Variants in PATJ observed in about 807,000 individuals in gnomAD.
The protein encoded by PATJ is inaD-like protein.
In PATJ, 190 loss-of-function variants were observed where a neutral mutation model predicts 224.9. The observed-to-expected ratio is 0.84, with a 90% confidence interval of 0.75 to 0.95. The LOEUF is 0.95. Ranked by LOEUF, PATJ falls within the 40% of genes least tolerant of loss-of-function variation. The probability of loss-of-function intolerance (pLI) is 0.00; values close to 1 mark genes in which losing one functional copy is unlikely to be tolerated. For synonymous variants in PATJ, 769 were observed against 820.3 expected (o/e 0.94, Z 1.07); for missense variants, 2,121 against 2,270.3 (o/e 0.93, Z 1.34).
rs1023407011 is a variant in PATJ, at chr1:61,789,499, T to C, written c.1068+1527T>C. ...AACAGTATGAGTGGAAGTTTTCTATTTGAAATATCAGAACCTTTAAAAAGT... is the reference window on the plus strand; with the variant it reads ...AACAGTATGAGTGGAAGTTTTCTATCTGAAATATCAGAACCTTTAAAAAGT... On this transcript the variant is annotated intron_variant, in intron 8 of 43. Transcript: ENST00000642238. Among the ~76,000 whole-genome samples, 12 of 151,966 alleles carry C rather than the reference T, an allele frequency of 7.9e-5. No homozygotes were observed. The East Asian group carries it at 2.1e-3, about 27-fold the overall frequency.
At chr1:62,090,779 G>C (rs1460557425) in intron 33 of PATJ, among the ~76,000 whole-genome samples, 2 of 152,044 alleles carry the variant, frequency 1.3e-5, no homozygotes, top group Non-Finnish European at 2.9e-5. Flanking sequence ...AAAGACCAAG[G>C]CCTCTTACCT....
chr1:61,847,505 T>A (rs1662155027), intron 17 of PATJ, among the ~76,000 whole-genome samples: 1 of 152,228 alleles, frequency 6.6e-6, no homozygotes, highest in Non-Finnish European at 1.5e-5. Context: ...ACCGTATCAG[T>A]TTAATCTATC....
intron 20 of PATJ, among the ~76,000 whole-genome samples, chr1:61,869,832 G>A (rs1416571590): frequency 1.3e-5 from 2 of 152,242 alleles, no homozygotes; most frequent in Non-Finnish European, 2.9e-5. Context: ...CCCCTCATGG[G>A]AGGGGAGCAC....
intron 31 of PATJ, among the ~76,000 whole-genome samples, chr1:62,068,298 C>A (rs1294763858): frequency 6.6e-6 from 1 of 152,156 alleles, no homozygotes; most frequent in East Asian, 1.9e-4. Flanking sequence ...GAAATTTACT[C>A]AAGGGCTAGA....
At chr1:61,970,117 A>G (rs1469422456) in intron 27 of PATJ, among the ~76,000 whole-genome samples, 4 of 150,562 alleles carry the variant, frequency 2.7e-5, no homozygotes, top group Non-Finnish European at 5.9e-5. Context: ...TCTTGGTATC[A>G]TATCCAAGAA....
In PATJ at chr1:62,139,037, C is replaced by T. The variant is rs112823633; in HGVS notation, c.5272-9247C>T. ...AACCTTTGCTCCCACTGGGTTTCCTCTGCCCCCATCTCTATTCTCAGAACC... is the reference window on the plus strand; with the variant it reads ...AACCTTTGCTCCCACTGGGTTTCCTTTGCCCCCATCTCTATTCTCAGAACC... On this transcript the variant is annotated intron_variant, in intron 41 of 43. Coordinates refer to ENST00000642238, the MANE Select transcript of PATJ (RefSeq NM_001350145.3). 9.4e-4 allele frequency among the ~76,000 whole-genome samples: 143 copies of T among 152,162 alleles called. 1 individual carries two copies. The highest frequency in any genetic ancestry group is 3.4e-3 in the African/African-American group (140 of 41,522).
intron 32 of PATJ, among the ~76,000 whole-genome samples, chr1:62,079,920 C>G (rs142521914): frequency 6.6e-6 from 1 of 151,244 alleles, no homozygotes; most frequent in Admixed American, 6.6e-5. Context: ...CCCAGCTACT[C>G]GGGAGGCTGA....
intron 20 of PATJ, among the ~76,000 whole-genome samples, chr1:61,873,438 G>A (rs184778280): frequency 1.4e-4 from 21 of 152,086 alleles, no homozygotes; most frequent in African/African-American, 4.6e-4. Context: ...CAAAGTGCTG[G>A]GATTATAGGC....
At chr1:61,747,790 C>T (rs1396044304) in intron 1 of PATJ, among the ~76,000 whole-genome samples, 1 of 152,216 alleles carries the variant, frequency 6.6e-6, no homozygotes, top group Non-Finnish European at 1.5e-5. Context: ...CTACAGTAAG[C>T]CACTCTCACA....
intron 14 of PATJ, among the ~76,000 whole-genome samples, chr1:61,809,424 G>C (rs1654244889): frequency 7.3e-6 from 1 of 137,428 alleles, no homozygotes; most frequent in South Asian, 2.3e-4. Flanking sequence ...TTTCGCCCTT[G>C]TTGCCCAGGC....
intron 33 of PATJ, among the ~76,000 whole-genome samples, chr1:62,101,083 A>T (rs1018774689): frequency 6.6e-6 from 1 of 152,080 alleles, no homozygotes; most frequent in African/African-American, 2.4e-5. Flanking sequence ...TACACAAAAA[A>T]CTTAATACTG....
intron 27 of PATJ, among the ~76,000 whole-genome samples, chr1:61,930,926 C>CAGGTTGG (rs1675938139): frequency 6.6e-6 from 1 of 152,162 alleles, no homozygotes; most frequent in African/African-American, 2.4e-5. Flanking sequence ...TGGTCTGAAA[C>CAGGTTGG]TCCCGACCTC....
intron 14 of PATJ, among the ~76,000 whole-genome samples, chr1:61,813,394 C>T (rs1164597064): frequency 7.2e-6 from 1 of 138,894 alleles, no homozygotes; most frequent in South Asian, 2.3e-4. Flanking sequence ...CACACACACA[C>T]ACACATACAC....
intron 29 of PATJ, among the ~76,000 whole-genome samples, chr1:62,021,246 G>A (rs192618797): frequency 1.1e-3 from 170 of 152,280 alleles, no homozygotes; most frequent in African/African-American, 4.0e-3. Flanking sequence ...GTATCCTCAC[G>A]TAACAGGAGG....
Position 62,128,940 on chromosome 1 carries a change from C to T in PATJ, c.5266C>T (p.Leu1756=). Residue 1756 remains leucine (L), a synonymous_variant, in exon 41 of 44, where the codon CTG becomes TTG. Transcript: ENST00000642238. ...LLKNAYGRII[L]QVVADTNISA... is the part of the protein sequence containing the mutation. ...GAAGAACGCCTACGGGCGCATTATC[C>T]TGCAGGTATTGCGATCAACGGAGCA... 6.2e-7 allele frequency: 1 copy of T among 1,601,098 alleles called. No individual in the cohort carries two copies.
At chr1:61,891,675 C>T (rs1041872805) in intron 22 of PATJ, among the ~76,000 whole-genome samples, 5 of 152,178 alleles carry the variant, frequency 3.3e-5, no homozygotes, top group African/African-American at 9.7e-5. Context: ...TCAGGCTCTA[C>T]AGAAGGCCAG....
chr1:61,809,870 G>C (rs1240474076), intron 14 of PATJ, among the ~76,000 whole-genome samples: 4 of 130,848 alleles, frequency 3.1e-5, no homozygotes, highest in African/African-American at 5.6e-5. Context: ...TTTTTGCACA[G>C]AGTCTTGCTC....
At chr1:62,033,654 G>C (rs1036040322) in intron 29 of PATJ, among the ~76,000 whole-genome samples, 1 of 152,156 alleles carries the variant, frequency 6.6e-6, no homozygotes, top group African/African-American at 2.4e-5. Flanking sequence ...TGTGAGCTAG[G>C]TGGACACCCC....
At chr1:61,798,530 C>G (rs893724805) in intron 11 of PATJ, among the ~76,000 whole-genome samples, 2 of 152,082 alleles carry the variant, frequency 1.3e-5, no homozygotes, top group Non-Finnish European at 2.9e-5. Flanking sequence ...AACTTAGAAA[C>G]ATATAGATGA....
Sources: allele counts gnomAD v4.1 joint callset (sites outside exome capture counted in the v4.1 genomes callset), GRCh38; gene constraint gnomAD v4.1.1; transcripts MANE v1.5; gene names NCBI Gene and HGNC (gene_info 2026-07-23, HGNC 2026-07-21).